The following SRCAP variants were observed in gnomAD, a reference collection of about 807,000 sequenced individuals.
The protein encoded by SRCAP is chromatin remodeling protein SRCAP.
A neutral mutation model predicts 263.1 loss-of-function variants in SRCAP; 46 were observed. The ratio of observed to expected loss-of-function variants is 0.17; its 90% CI spans 0.14 to 0.22. SRCAP has a LOEUF of 0.22. SRCAP is among the 10% of genes least tolerant of loss of function. SRCAP has a pLI of 1.00. For synonymous variants in SRCAP, 1,813 were observed against 1,662.1 expected (o/e 1.09, Z -2.21); for missense variants, 3,695 against 4,181.9 (o/e 0.88, Z 3.21).
At chr16:30,719,890 C>T (rs1203865483) in intron 18 of SRCAP, among the ~76,000 whole-genome samples, 1 of 152,048 alleles carries the variant, frequency 6.6e-6, no homozygotes, top group African/African-American at 2.4e-5. Context: ...GTTTGGCGTA[C>T]GATTGATCCT....
intron 1 of SRCAP, among the ~76,000 whole-genome samples, chr16:30,699,506 C>T (rs1357378909): frequency 2.0e-5 from 3 of 152,130 alleles, no homozygotes; most frequent in Admixed American, 2.0e-4. Context: ...GAATCCTGGG[C>T]GGATTTTCCT....
At chr16:30,710,169 CAG>C (rs753170635) in intron 8 of SRCAP, 41 bp downstream of exon 8, 56 of 1,588,880 alleles carry the variant, frequency 3.5e-5, no homozygotes, top group Non-Finnish European at 4.5e-5. Context: ...AGAGGGGGAA[CAG>C]AGGGAGAGGT....
At chr16:30,722,904 C>T (rs561200809) in intron 23 of SRCAP, 59 bp from the exon 24 acceptor site, 59 of 1,560,220 alleles carry the variant, frequency 3.8e-5, no homozygotes, top group Non-Finnish European at 5.0e-5. Context: ...GGACTTCTTC[C>T]ATTCTTTGGG....
At chr16:30,701,997 A>C (rs1366484863) in intron 3 of SRCAP, among the ~76,000 whole-genome samples, 2 of 149,672 alleles carry the variant, frequency 1.3e-5, no homozygotes, top group Non-Finnish European at 3.0e-5. Context: ...CTCTGTCACC[A>C]GGCTGAAATG....
intron 27 of SRCAP, among the ~76,000 whole-genome samples, chr16:30,732,203 G>A (rs1164606986): frequency 6.6e-6 from 1 of 151,934 alleles, no homozygotes; most frequent in Non-Finnish European, 1.5e-5. Flanking sequence ...TGTAATCCCA[G>A]CACTTTGGGA....
chr16:30,713,502 T>C lies in SRCAP; in HGVS notation c.2301-17T>C. 6.2e-7 allele frequency: 1 copy of C among 1,613,864 alleles called. No homozygotes were observed. The highest frequency in any genetic ancestry group is 8.5e-7 in the Non-Finnish European group (1 of 1,179,872). On this transcript the variant is annotated splice_polypyrimidine_tract_variant and intron_variant, in intron 15 of 33. Transcript: ENST00000262518. ...TTGCTGACCATACTCTCTCTGATTC[T>C]CTCTGTCTCTTTGCAGCCAGAGACG...
chr16:30,723,286 T>C (rs1567247662), intron 24 of SRCAP, 57 bp downstream of exon 24: 3 of 1,541,196 alleles, frequency 1.9e-6, no homozygotes, highest in Non-Finnish European at 2.6e-6. Flanking sequence ...CGAGATGGGG[T>C]CGCCTCAAGG....
intron 8 of SRCAP, 52 bp from the exon 9 acceptor site, chr16:30,710,702 C>G (rs766337943): frequency 6.3e-7 from 1 of 1,582,894 alleles, no homozygotes; most frequent in Non-Finnish European, 8.7e-7. Context: ...TTGTGCCATT[C>G]TTCTGCTACT....
chr16:30,719,561 T>TG (rs1368740907), intron 18 of SRCAP, among the ~76,000 whole-genome samples: 1 of 151,100 alleles, frequency 6.6e-6, no homozygotes, highest in African/African-American at 2.4e-5. Context: ...TGGCCCAGGC[T>TG]GGGGTGCATT....
At chr16:30,735,425 C>G (rs1427976108) in intron 31 of SRCAP, among the ~76,000 whole-genome samples, 1 of 151,478 alleles carries the variant, frequency 6.6e-6, no homozygotes, top group East Asian at 2.0e-4. Context: ...GGATTACAGG[C>G]GTGAGCCACC....
chr16:30,702,583 CTCCCTTCCCTGCCT>C (rs2052779474), intron 3 of SRCAP, among the ~76,000 whole-genome samples: 1 of 128,548 alleles, frequency 7.8e-6, no homozygotes, highest in East Asian at 2.5e-4. Context: ...CCCTCCCTCC[CTCCCTTCCCTGCCT>C]TCCCTCCCTC....
chr16:30,724,643 T>C lies in SRCAP; in HGVS notation c.5219T>C (p.Leu1740Pro), dbSNP rs779352689. Residue 1740 changes from leucine (L) to proline (P), a missense_variant, in exon 25 of 34, where the codon CTG (leucine) becomes CCG (proline). Leu to Pro is a moderately conservative substitution (Grantham distance 98). Around this residue, in one of 12 missense-constraint regions of SRCAP, gnomAD observed 1,347 missense variants for 1,304.4 expected, o/e 1.03. Transcript: ENST00000262518. ...QTLSLAPGPP[L>P]GPTQTLSLAP... The stretch of plus-strand genomic sequence containing the variant: ...CTGTCTTTGGCACCAGGACCACCAC[T>C]GGGTCCAACTCAGACGCTGTCTCTG... 1.9e-6 allele frequency: 3 copies of C among 1,614,136 alleles called. No individual in the cohort carries two copies. Among genetic ancestry groups the C allele is most frequent in the Non-Finnish European group, 2.5e-6 (3 of 1,180,020 alleles).
intron 27 of SRCAP, among the ~76,000 whole-genome samples, chr16:30,732,538 T>C (rs1054187130): frequency 2.6e-5 from 4 of 152,212 alleles, no homozygotes; most frequent in African/African-American, 9.6e-5. Flanking sequence ...TGATGGAAGG[T>C]TGAACTAGAT....
intron 18 of SRCAP, among the ~76,000 whole-genome samples, chr16:30,717,610 C>CT (rs34512915): frequency 0.5 from 45,635 of 91,144 alleles, 15,293 homozygotes; most frequent in African/African-American, 0.76. Flanking sequence ...CCAAGCCTGG[C>CT]TTTTTTTTTT....
At position 30,737,421 on chromosome 16, in the gene SRCAP, C is replaced by G. The variant is rs796702419; in HGVS notation, c.7381C>G (p.Pro2461Ala). ...PAAIPALVPV[P>A]VSAPVPISAP... ...TGCAATTCCTGCCCTTGTTCCTGTC[C>G]CAGTTTCTGCCCCAGTACCCATTTC... Residue 2461 changes from proline (P) to alanine (A), a missense_variant, in exon 34 of 34, where the codon CCA becomes GCA. This residue lies in a region of SRCAP where 1,207 missense variants were observed against 1,142.9 expected (regional missense o/e 1.06). Coordinates refer to ENST00000262518, the MANE Select transcript of SRCAP (RefSeq NM_006662.3). 1.2e-6 allele frequency: 2 copies of G among 1,602,822 alleles called. No homozygotes were observed. The highest frequency in any genetic ancestry group is 2.7e-5 in the African/African-American group (2 of 74,360).
At chr16:30,729,297 G>T in intron 26 of SRCAP, 66 bp downstream of exon 26, 1 of 1,603,716 alleles carries the variant, frequency 6.2e-7, no homozygotes, top group Admixed American at 1.7e-5. Context: ...AGTGCTTAGG[G>T]CTGGTGAAGG....
chr16:30,737,649 T>A lies in SRCAP; in HGVS notation c.7609T>A (p.Ser2537Thr), dbSNP rs757419168. The change falls in exon 34 of 34, where the codon TCT (serine) becomes ACT (threonine). Residue 2537 changes from serine (S) to threonine (T), a missense_variant. Coordinates refer to ENST00000262518, the MANE Select transcript of SRCAP (RefSeq NM_006662.3). Reference protein sequence around the residue: ...LLLGPPSVPISASVTNLPLGL... With the variant: ...LLLGPPSVPITASVTNLPLGL... Reference sequence around the variant, plus strand: ...GCTTGGTCCACCTTCTGTGCCCATCTCTGCCTCAGTCACTAATCTCCCCTT... The same window carrying A: ...GCTTGGTCCACCTTCTGTGCCCATCACTGCCTCAGTCACTAATCTCCCCTT... 14 of 1,613,962 alleles carry A rather than the reference T, an allele frequency of 8.7e-6. No homozygotes were observed. In the Admixed American group the frequency reaches 1.8e-4, roughly 21 times the overall value.
chr16:30,736,126 T>C lies in SRCAP; in HGVS notation c.6730-74T>C, dbSNP rs560586548. 445 of 1,580,630 alleles carry C rather than the reference T, an allele frequency of 2.8e-4. 2 individuals are homozygous for C. The highest frequency in any genetic ancestry group is 2.8e-3 in the South Asian group (241 of 87,584). ...TTGGTGTACGCTTGGTCTCAAGTTCTTGCCTGAATCAAATCACAGGATGTA... is the reference window on the plus strand; with the variant it reads ...TTGGTGTACGCTTGGTCTCAAGTTCCTGCCTGAATCAAATCACAGGATGTA... On this transcript the variant is annotated intron_variant, in intron 31 of 33. Transcript: ENST00000262518.
At chr16:30,722,879 C>G in intron 23 of SRCAP, 84 bp from the exon 24 acceptor site, 1 of 1,549,288 alleles carries the variant, frequency 6.5e-7, no homozygotes, top group Non-Finnish European at 8.7e-7. Flanking sequence ...CTGTCTGCCA[C>G]CTTCTCCTGC....
Sources: gnomAD v4.1 joint callset for allele counts (sites outside exome capture counted in the v4.1 genomes callset) on GRCh38, gnomAD v4.1.1 for gene constraint, gnomAD v4.1.1 regional missense constraint, MANE v1.5 for transcripts, NCBI Gene and HGNC (gene_info 2026-07-23, HGNC 2026-07-21) for gene names.